Variants in GALNTL6 observed in about 807,000 individuals in gnomAD.
GALNTL6 encodes the protein polypeptide N-acetylgalactosaminyltransferase like 6, also known as polypeptide N-acetylgalactosaminyltransferase-like 6.
GALNTL6 carries 46 observed loss-of-function variants against 73.7 expected under a neutral mutation model. The observed-to-expected ratio is 0.62, with a 90% CI of 0.49 to 0.80. The LOEUF is 0.80. GALNTL6 is among the 30% of genes least tolerant of loss of function. GALNTL6 has a pLI of 0.00. For synonymous variants in GALNTL6, 259 were observed against 263.7 expected (o/e 0.98, Z 0.17); for missense variants, 604 against 755.0 (o/e 0.80, Z 2.34).
intron 5 of GALNTL6, among the ~76,000 whole-genome samples, chr4:172,423,388 C>A (rs1405485429): frequency 6.6e-6 from 1 of 151,988 alleles, no homozygotes; most frequent in Non-Finnish European, 1.5e-5. Flanking sequence ...AATTAACTGC[C>A]TGACCTACTC....
intron 2 of GALNTL6, among the ~76,000 whole-genome samples, chr4:171,827,958 T>C (rs1020038366): frequency 6.6e-6 from 1 of 152,174 alleles, no homozygotes; most frequent in African/African-American, 2.4e-5. Flanking sequence ...TAAAAAAAGT[T>C]ATGTTACAAA....
chr4:172,678,532 A>G (rs1732438460), intron 5 of GALNTL6, among the ~76,000 whole-genome samples: 1 of 152,180 alleles, frequency 6.6e-6, no homozygotes, highest in Admixed American at 6.5e-5. Flanking sequence ...TTTAGTAGAG[A>G]CAGGGTTTCT....
At chr4:172,770,300 T>TAAATA (rs1414055071) in intron 5 of GALNTL6, among the ~76,000 whole-genome samples, 1 of 151,040 alleles carries the variant, frequency 6.6e-6, no homozygotes, top group East Asian at 1.9e-4. Context: ...AATAAATAAA[T>TAAATA]AAGCTTTTAT....
intron 2 of GALNTL6, among the ~76,000 whole-genome samples, chr4:172,204,371 G>A (rs1736045960): frequency 6.6e-6 from 1 of 152,144 alleles, no homozygotes; most frequent in Non-Finnish European, 1.5e-5. Flanking sequence ...ACACATTGAT[G>A]CAACCTGTCT....
chr4:171,833,764 C>T (rs1295215930), intron 2 of GALNTL6, among the ~76,000 whole-genome samples: 1 of 151,704 alleles, frequency 6.6e-6, no homozygotes, highest in Admixed American at 6.6e-5. Flanking sequence ...TTTGGTCCAG[C>T]CTGTTAAAAG....
rs140895861 is a variant in GALNTL6 at position 172,270,641 on chromosome 4, T to C, written c.247+40877T>C. Among the ~76,000 whole-genome samples, 283 of 152,194 alleles carry C rather than the reference T, an allele frequency of 1.9e-3. 1 individual carries two copies. Among genetic ancestry groups the C allele is most frequent in the Admixed American group, 0.012 (190 of 15,272 alleles). On this transcript the variant is annotated intron_variant, in intron 3 of 12. Transcript: ENST00000506823. ...GCTGTGGGAATAGGAGAAGGTTCAA[T>C]TACTCATATGGTGCTTGGAATCCTG...
intron 3 of GALNTL6, among the ~76,000 whole-genome samples, chr4:172,290,876 A>G (rs1184971625): frequency 6.6e-6 from 1 of 151,884 alleles, no homozygotes; most frequent in Non-Finnish European, 1.5e-5. Context: ...CAAATTAAGA[A>G]AACCCACATA....
At chr4:172,691,258 G>C (rs1015696630) in intron 5 of GALNTL6, among the ~76,000 whole-genome samples, 1 of 152,102 alleles carries the variant, frequency 6.6e-6, no homozygotes. Flanking sequence ...ATGAATATCT[G>C]GACAGAGGGT....
chr4:172,133,655 C>T (rs137916643), intron 2 of GALNTL6, among the ~76,000 whole-genome samples: 185 of 152,270 alleles, frequency 1.2e-3, no homozygotes, highest in African/African-American at 3.7e-3. Context: ...GTGTACAGCA[C>T]GGGTGACCAA....
At chr4:172,574,009 T>C (rs1736865030) in intron 5 of GALNTL6, among the ~76,000 whole-genome samples, 1 of 152,134 alleles carries the variant, frequency 6.6e-6, no homozygotes, top group Admixed American at 6.5e-5. Context: ...CCACTTCTTA[T>C]AGTCACTGTG....
intron 5 of GALNTL6, among the ~76,000 whole-genome samples, chr4:172,700,239 A>C (rs1016432200): frequency 3.3e-5 from 5 of 152,168 alleles, no homozygotes; most frequent in Non-Finnish European, 7.3e-5. Flanking sequence ...TTCTGGGTCA[A>C]AGTAATTGGG....
At chr4:172,032,984 G>A (rs957905759) in intron 2 of GALNTL6, among the ~76,000 whole-genome samples, 5 of 151,810 alleles carry the variant, frequency 3.3e-5, no homozygotes, top group African/African-American at 9.7e-5. Flanking sequence ...TGAATAACCC[G>A]AAGAGCTTAT....
chr4:172,267,053 T>C lies in GALNTL6; in HGVS notation c.247+37289T>C, dbSNP rs149781383. Among the ~76,000 whole-genome samples the C allele has an allele frequency of 5.3e-3, 811 of 152,204 alleles. 6 individuals are homozygous for C. Among genetic ancestry groups the C allele is most frequent in the Middle Eastern group, 0.02 (6 of 294 alleles). On this transcript the variant is annotated intron_variant, in intron 3 of 12. Transcript: ENST00000506823. The stretch of plus-strand genomic sequence containing the variant: ...TTGTCCCTTGGATGACAGTGAAAAA[T>C]AGAAAACAGTGATAGAAAACAATGA...
chr4:172,299,742 A>G (rs958454645), intron 3 of GALNTL6, among the ~76,000 whole-genome samples: 4 of 152,174 alleles, frequency 2.6e-5, no homozygotes, highest in Non-Finnish European at 5.9e-5. Flanking sequence ...ACAGTTTGTT[A>G]TAATTTCTGT....
intron 5 of GALNTL6, among the ~76,000 whole-genome samples, chr4:172,384,600 A>G (rs1438814780): frequency 6.7e-6 from 1 of 148,430 alleles, no homozygotes; most frequent in Non-Finnish European, 1.5e-5. Context: ...ATTAATTTCT[A>G]CCCTTAATAC....
intron 5 of GALNTL6, among the ~76,000 whole-genome samples, chr4:172,578,079 C>G (rs971692367): frequency 3.9e-5 from 6 of 152,114 alleles, no homozygotes; most frequent in Admixed American, 3.9e-4. Context: ...CCAGAAGAGA[C>G]TCATATTGAA....
intron 2 of GALNTL6, among the ~76,000 whole-genome samples, chr4:172,101,577 A>C (rs1314645839): frequency 6.6e-6 from 1 of 152,210 alleles, no homozygotes; most frequent in Non-Finnish European, 1.5e-5. Flanking sequence ...TTCAAACTTA[A>C]TAAAAATCTG....
intron 5 of GALNTL6, among the ~76,000 whole-genome samples, chr4:172,679,499 G>C (rs1205153538): frequency 6.6e-6 from 1 of 151,730 alleles, no homozygotes; most frequent in East Asian, 1.9e-4. Flanking sequence ...CCAATTTCTG[G>C]TCTAAAACAT....
chr4:172,069,394 T>C (rs1379515379), intron 2 of GALNTL6, among the ~76,000 whole-genome samples: 1 of 99,378 alleles, frequency 1.0e-5, no homozygotes, highest in African/African-American at 3.8e-5. Context: ...TGTACATATG[T>C]GTTATATATA....
Sources: allele counts gnomAD v4.1 joint callset (sites outside exome capture counted in the v4.1 genomes callset), GRCh38; gene constraint gnomAD v4.1.1; transcripts MANE v1.5; gene names NCBI Gene and HGNC (gene_info 2026-07-23, HGNC 2026-07-21).